NPAS3: variants seen among roughly 807,000 people sequenced by gnomAD.
The protein encoded by NPAS3 is neuronal PAS domain protein 3.
In NPAS3, 14 loss-of-function variants were observed where a neutral mutation model predicts 73.1. That is an observed-to-expected ratio of 0.19 (90% confidence interval 0.13 to 0.30). The LOEUF (loss-of-function observed/expected upper bound fraction) is 0.30, where lower values mean the gene tolerates loss of function less well. Among genes scored for constraint, NPAS3 ranks in the 10% least tolerant of loss-of-function variants. NPAS3 has a pLI of 1.00. For missense variants in NPAS3, 1,096 were observed against 1,250.0 expected (o/e 0.88, Z 1.86); for synonymous variants, 620 against 541.5 (o/e 1.14, Z -2.01).
chr14:33,797,279 G>C (rs139331930), intron 10 of NPAS3, among the ~76,000 whole-genome samples, 178 bp from the exon 11 acceptor site: 192 of 152,330 alleles, frequency 1.3e-3, no homozygotes, highest in African/African-American at 4.2e-3. Context: ...CTGTGCCTTG[G>C]CACATGCAAG....
intron 5 of NPAS3, among the ~76,000 whole-genome samples, chr14:33,609,118 A>C (rs1182620678): frequency 1.3e-5 from 2 of 152,176 alleles, no homozygotes; most frequent in African/African-American, 4.8e-5. Context: ...CCCTGCCTGC[A>C]AACTAATCCT....
chr14:33,080,210 C>CTG (rs2041821788), intron 2 of NPAS3, among the ~76,000 whole-genome samples: 1 of 151,886 alleles, frequency 6.6e-6, no homozygotes, highest in African/African-American at 2.4e-5. Context: ...GGGGTTCACA[C>CTG]CATTCTCCTG....
chr14:33,170,023 A>G (rs2045328777), intron 2 of NPAS3, among the ~76,000 whole-genome samples: 1 of 152,180 alleles, frequency 6.6e-6, no homozygotes, highest in African/African-American at 2.4e-5. Flanking sequence ...TTGGAAAGTC[A>G]TGCTTTATGG....
chr14:33,340,141 A>C (rs535507167), intron 3 of NPAS3, among the ~76,000 whole-genome samples: 1 of 152,334 alleles, frequency 6.6e-6, no homozygotes, highest in African/African-American at 2.4e-5. Context: ...GAGTGAGCTT[A>C]TATCAGAATA....
At chr14:33,476,506 C>A (rs2051045138) in intron 4 of NPAS3, among the ~76,000 whole-genome samples, 1 of 152,310 alleles carries the variant, frequency 6.6e-6, no homozygotes, top group South Asian at 2.1e-4. Context: ...GGTATTTCTA[C>A]ACAACTTTGA....
At chr14:33,110,336 A>C (rs1194092708) in intron 2 of NPAS3, among the ~76,000 whole-genome samples, 2 of 152,178 alleles carry the variant, frequency 1.3e-5, no homozygotes, top group East Asian at 3.8e-4. Flanking sequence ...ACTGAACTCA[A>C]GTTCCACAGT....
intron 5 of NPAS3, among the ~76,000 whole-genome samples, chr14:33,561,085 TTG>T (rs1267576361): frequency 1.3e-5 from 2 of 152,188 alleles, no homozygotes; most frequent in East Asian, 1.9e-4. Flanking sequence ...GGGAGGGATT[TTG>T]TGTGTGTGTG....
At chr14:33,761,093 C>G (rs551601732) in intron 7 of NPAS3, among the ~76,000 whole-genome samples, 2 of 152,304 alleles carry the variant, frequency 1.3e-5, no homozygotes, top group Admixed American at 1.3e-4. Flanking sequence ...TTTATTTTCT[C>G]CTCCCATACT....
At chr14:33,780,523 C>G (rs2062945756) in intron 9 of NPAS3, 1 of 416,352 alleles carries the variant, frequency 2.4e-6, no homozygotes, top group Non-Finnish European at 4.7e-6. Context: ...TAATTAAGGT[C>G]TAAATTCAGA....
At chr14:33,066,055 A>T (rs2041267867) in intron 2 of NPAS3, among the ~76,000 whole-genome samples, 1 of 152,114 alleles carries the variant, frequency 6.6e-6, no homozygotes, top group Non-Finnish European at 1.5e-5. Flanking sequence ...AATATATTTT[A>T]TGTAGTTGTA....
intron 2 of NPAS3, among the ~76,000 whole-genome samples, chr14:33,204,883 GTAGGGAA>G (rs2046766435): frequency 6.6e-6 from 1 of 152,070 alleles, no homozygotes; most frequent in East Asian, 1.9e-4. Context: ...ATTGCAAAAA[GTAGGGAA>G]AGGGTGGCAT....
intron 3 of NPAS3, among the ~76,000 whole-genome samples, chr14:33,270,710 T>C (rs112916460): frequency 1.3e-5 from 2 of 152,224 alleles, no homozygotes; most frequent in African/African-American, 4.8e-5. Flanking sequence ...GTTTTCTTTT[T>C]TGTTTTTTAA....
intron 3 of NPAS3, among the ~76,000 whole-genome samples, chr14:33,230,528 T>C (rs2047809883): frequency 6.6e-6 from 1 of 152,206 alleles, no homozygotes. Flanking sequence ...GTACACCTAA[T>C]ATTTACATAA....
At chr14:33,737,568 CA>C (rs1215329887) in intron 7 of NPAS3, among the ~76,000 whole-genome samples, 2 of 152,100 alleles carry the variant, frequency 1.3e-5, no homozygotes, top group Non-Finnish European at 2.9e-5. Context: ...CTACTACCAA[CA>C]AAAGTTGATT....
At chr14:33,350,016 G>T (rs572642031) in intron 3 of NPAS3, among the ~76,000 whole-genome samples, 1 of 152,202 alleles carries the variant, frequency 6.6e-6, no homozygotes, top group Admixed American at 6.5e-5. Flanking sequence ...GCTGGTCCTT[G>T]GGTGTTAAGC....
intron 4 of NPAS3, among the ~76,000 whole-genome samples, chr14:33,484,334 G>C (rs1205675083): frequency 6.6e-6 from 1 of 152,106 alleles, no homozygotes; most frequent in East Asian, 1.9e-4. Context: ...ATTATTATCT[G>C]CTAAATATTT....
intron 2 of NPAS3, among the ~76,000 whole-genome samples, chr14:33,123,536 C>T (rs556713999): frequency 6.6e-6 from 1 of 152,128 alleles, no homozygotes; most frequent in African/African-American, 2.4e-5. Flanking sequence ...CAACTCAAAA[C>T]CAAAAGAAGC....
At chr14:33,296,386 T>G (rs1358372036) in intron 3 of NPAS3, among the ~76,000 whole-genome samples, 1 of 152,238 alleles carries the variant, frequency 6.6e-6, no homozygotes, top group East Asian at 1.9e-4. Context: ...AAAACTTCGC[T>G]TAAAAGGTTA....
chr14:33,291,034 G>A (rs912030747), intron 3 of NPAS3, among the ~76,000 whole-genome samples: 12 of 151,932 alleles, frequency 7.9e-5, no homozygotes, highest in African/African-American at 2.7e-4. Flanking sequence ...TGTACCTCTC[G>A]GTGTATCTAG....
Sources: gnomAD v4.1 joint callset for allele counts (sites outside exome capture counted in the v4.1 genomes callset) on GRCh38, gnomAD v4.1.1 for gene constraint, MANE v1.5 for transcripts, NCBI Gene and HGNC (gene_info 2026-07-23, HGNC 2026-07-21) for gene names.